The following CAND2 variants were observed in gnomAD, a reference collection of about 807,000 sequenced individuals.
CAND2 encodes cullin associated and neddylation dissociated 2 (putative), also known as cullin-associated NEDD8-dissociated protein 2.
A neutral mutation model predicts 98.9 loss-of-function variants in CAND2; 62 were observed. The observed-to-expected ratio is 0.63, with a 90% CI of 0.51 to 0.77. CAND2 has a LOEUF of 0.77. CAND2 is among the 30% of genes least tolerant of loss of function. The pLI is 0.00. For missense variants in CAND2, 1,501 were observed against 1,655.2 expected (o/e 0.91, Z 1.62); for synonymous variants, 770 against 731.9 (o/e 1.05, Z -0.84).
At chr3:12,822,509 G>GGCT (rs1300909494) in intron 11 of CAND2, among the ~76,000 whole-genome samples, 2 of 152,018 alleles carry the variant, frequency 1.3e-5, no homozygotes, top group Admixed American at 1.3e-4. Context: ...ATGTTACCCA[G>GGCT]GCTGGTCTCG....
intron 10 of CAND2, among the ~76,000 whole-genome samples, chr3:12,819,867 T>C (rs920367998): frequency 6.6e-6 from 1 of 152,218 alleles, no homozygotes; most frequent in Non-Finnish European, 1.5e-5. Context: ...TGGTGTTACC[T>C]GAGCACTGGC....
intron 1 of CAND2, among the ~76,000 whole-genome samples, chr3:12,797,869 T>A (rs1345456188): frequency 2.6e-5 from 4 of 151,960 alleles, no homozygotes; most frequent in Admixed American, 6.6e-5. Context: ...CCCTGACAGG[T>A]GAGGAGACAG....
In CAND2 at chr3:12,816,421, A is replaced by G. The variant is rs9834623; in HGVS notation, c.1489A>G (p.Met497Val). ...CCGCTCCAGCTCCTCCACCATCCGG[A>G]TGGATGCCCTGGCCTTCTTGCAGGG... ...ADRSSSSTIR[M>V]DALAFLQGLL... The change falls in exon 10 of 15, where the codon ATG (methionine) becomes GTG (valine). Residue 497 changes from methionine (M) to valine (V), a missense_variant. Met to Val is a conservative substitution (Grantham distance 21, BLOSUM62 1). Around this residue, in one of 3 missense-constraint regions of CAND2, gnomAD observed 1,427 missense variants for 1,545.3 expected, o/e 0.92. Coordinates refer to ENST00000456430, the MANE Select transcript of CAND2 (RefSeq NM_001162499.2). The G allele has an allele frequency of 4.9e-3, 7,900 of 1,613,808 alleles. 244 individuals are homozygous for G. In the African/African-American group the frequency reaches 0.078, roughly 16 times the overall value.
intron 13 of CAND2, among the ~76,000 whole-genome samples, chr3:12,828,940 CCA>C (rs2062027576): frequency 6.6e-6 from 1 of 152,130 alleles, no homozygotes; most frequent in African/African-American, 2.4e-5. Flanking sequence ...GTTTGTTTAC[CCA>C]TTCATCCATC....
intron 10 of CAND2, 39 bp from the exon 11 acceptor site, chr3:12,820,047 C>G (rs748582840): frequency 6.5e-7 from 1 of 1,543,802 alleles, no homozygotes; most frequent in South Asian, 1.1e-5. Flanking sequence ...CCAGGATTGG[C>G]CCCTGCCCCT....
Position 12,815,051 on chromosome 3 carries a change from C to A in CAND2, c.1007-90C>A. 7.5e-7 allele frequency: 1 copy of A among 1,332,268 alleles called. No individual in the cohort carries two copies. Among genetic ancestry groups the A allele is most frequent in the Non-Finnish European group, 1.0e-6 (1 of 958,384 alleles). The allele number at this position is 1,332,268 out of a possible 1,614,324, so 82.5% of individuals were successfully genotyped here. ...TCATCAAAAAGTGAAGCACAGTGCC[C>A]AGCTCTCTCTCCTCCCTGTCCCTTC... On this transcript the variant is annotated intron_variant, in intron 7 of 14. Coordinates refer to ENST00000456430, the MANE Select transcript of CAND2 (RefSeq NM_001162499.2). The surrounding 1 kb of genome is among the most constrained non-coding windows in gnomAD (Gnocchi z 5.7).
In CAND2 at chr3:12,827,494, G is replaced by A; in HGVS notation, c.3265G>A (p.Ala1089Thr). ...TVDDGLDVRK[A>T]AFECMYSLLE... is the part of the protein sequence containing the mutation. ...GGACGATGGGCTGGACGTGCGGAAGGCGGCCTTTGAATGCATGTATTCACT... is the reference window on the plus strand; with the variant it reads ...GGACGATGGGCTGGACGTGCGGAAGACGGCCTTTGAATGCATGTATTCACT... Residue 1089 changes from alanine to threonine, a missense_variant, in exon 13 of 15, where the codon GCG (alanine) becomes ACG (threonine). Ala to Thr is a moderately conservative substitution (Grantham distance 58, BLOSUM62 0). This residue lies in a region of CAND2 where 1,427 missense variants were observed against 1,545.3 expected (regional missense o/e 0.92). Transcript: ENST00000456430. 6.2e-7 allele frequency: 1 copy of A among 1,614,104 alleles called. No homozygotes were observed. Among genetic ancestry groups the A allele is most frequent in the Non-Finnish European group, 8.5e-7 (1 of 1,179,994 alleles).
At chr3:12,820,574 G>A (rs80275058) in intron 11 of CAND2, among the ~76,000 whole-genome samples, 14,581 of 152,214 alleles carry the variant, frequency 0.096, 843 homozygotes, top group South Asian at 0.19. Context: ...TAGCTTTTGC[G>A]GGCCCCAAAG....
chr3:12,824,658 C>T (rs986934386), intron 11 of CAND2, among the ~76,000 whole-genome samples: 27 of 152,174 alleles, frequency 1.8e-4, no homozygotes, highest in African/African-American at 6.0e-4. Context: ...CCTGTAATCT[C>T]GGCACTGTGG....
chr3:12,826,761 C>G (rs1215805376), intron 12 of CAND2, among the ~76,000 whole-genome samples: 4 of 151,558 alleles, frequency 2.6e-5, no homozygotes, highest in Non-Finnish European at 5.9e-5. Flanking sequence ...CTTAACCTGT[C>G]CAGCTCAGTT....
At chr3:12,824,477 A>C (rs549106769) in intron 11 of CAND2, among the ~76,000 whole-genome samples, 1 of 152,326 alleles carries the variant, frequency 6.6e-6, no homozygotes, top group East Asian at 1.9e-4. Flanking sequence ...GCTCCCTCCC[A>C]TGATCACTGA....
intron 14 of CAND2, among the ~76,000 whole-genome samples, 182 bp from the exon 15 acceptor site, chr3:12,833,573 T>C (rs2062072885): frequency 6.6e-6 from 1 of 152,100 alleles, no homozygotes; most frequent in Non-Finnish European, 1.5e-5. Flanking sequence ...AACTAGCCAG[T>C]GCAAAAGCCC....
At chr3:12,818,664 T>C (rs1479483454) in intron 10 of CAND2, among the ~76,000 whole-genome samples, 1 of 152,258 alleles carries the variant, frequency 6.6e-6, no homozygotes. Flanking sequence ...AACCAGTGGA[T>C]GCTCTGCTTG....
At position 12,815,255 on chromosome 3, in the gene CAND2, A is replaced by G. The variant is rs781480213; in HGVS notation, c.1121A>G (p.His374Arg). Residue 374 changes from histidine to arginine, a missense_variant, in exon 8 of 15, where the codon CAC (histidine) becomes CGC (arginine). Around this residue, in one of 3 missense-constraint regions of CAND2, gnomAD observed 1,427 missense variants for 1,545.3 expected, o/e 0.92. Transcript: ENST00000456430. The surrounding 1 kb of genome is among the most constrained non-coding windows in gnomAD (Gnocchi z 5.7). ...SSRPDLLPDF[H>R]CTLAPVLIRR... ...CGGCCTGACCTGCTGCCCGATTTCC[A>G]CTGCACCCTGGCACCTGTGCTCATC... 3.1e-6 allele frequency: 5 copies of G among 1,613,812 alleles called. No homozygotes were observed. The South Asian group carries it at 4.4e-5, about 14-fold the overall frequency.
Position 12,817,657 on chromosome 3 carries a change from CG to C in CAND2, c.2726del (p.Arg909HisfsTer22). ...FLLEQIEAEPRRQYLLLHSLR... is the reference protein window; with the variant it reads ...FLLEQIEAEPXRQYLLLHSLR... ...GCTGGAGCAGATCGAGGCTGAGCCC[CG>C]ACGACAGTACCTGCTGCTGCACTCA... On this transcript the variant is annotated frameshift_variant, in exon 10 of 15. Coordinates refer to ENST00000456430, the MANE Select transcript of CAND2 (RefSeq NM_001162499.2). LOFTEE classifies it high-confidence loss of function. 6.2e-7 allele frequency: 1 copy of C among 1,612,222 alleles called. No homozygotes were observed. Among genetic ancestry groups the C allele is most frequent in the East Asian group, 2.2e-5 (1 of 44,880 alleles).
In CAND2 at chr3:12,816,568, C is replaced by T; in HGVS notation, c.1636C>T (p.Gln546Ter). Reference sequence around the variant, plus strand: ...TGCAGCCGAGGCCCTGGTGGTGCTGCAGGAGCTGGTGCGGGCCCTGTGGCC... The same window carrying T: ...TGCAGCCGAGGCCCTGGTGGTGCTGTAGGAGCTGGTGCGGGCCCTGTGGCC... ...KIAAEALVVL[Q>*]ELVRALWPLH... Residue 546 changes from glutamine (Q) to a stop codon, truncating the protein, a stop_gained, in exon 10 of 15, where the codon CAG (glutamine) becomes TAG (stop). Transcript: ENST00000456430. LOFTEE classifies it high-confidence loss of function. 6.2e-7 allele frequency: 1 copy of T among 1,613,942 alleles called. No homozygotes were observed. The highest frequency in any genetic ancestry group is 8.5e-7 in the Non-Finnish European group (1 of 1,180,032).
chr3:12,825,408 T>G (rs2061990889), intron 11 of CAND2, 62 bp from the exon 12 acceptor site: 1 of 1,478,006 alleles, frequency 6.8e-7, no homozygotes, highest in Admixed American at 2.1e-5. Context: ...GCCGGGGTGG[T>G]GAGGGAGGTG....
At chr3:12,827,335 G>T (rs2062012090) in intron 12 of CAND2, 105 bp from the exon 13 acceptor site, 2 of 1,099,482 alleles carry the variant, frequency 1.8e-6, no homozygotes. Flanking sequence ...GCACGATTTG[G>T]GGCTGGCATG....
chr3:12,823,924 G>T (rs1160119246), intron 11 of CAND2, among the ~76,000 whole-genome samples: 2 of 151,272 alleles, frequency 1.3e-5, no homozygotes. Context: ...GATAAATACA[G>T]TTTTTTTGCA....
Sources: allele counts gnomAD v4.1 joint callset (sites outside exome capture counted in the v4.1 genomes callset), GRCh38; gene constraint gnomAD v4.1.1; regional missense constraint gnomAD v4.1.1; non-coding constraint Gnocchi (gnomAD v3.1); transcripts MANE v1.5; gene names NCBI Gene and HGNC (gene_info 2026-07-23, HGNC 2026-07-21).